CYP51A1: variants seen among roughly 807,000 people sequenced by gnomAD.
CYP51A1 encodes the protein cytochrome P450 family 51 subfamily A member 1.
Under a neutral mutation model 53.5 loss-of-function variants are expected in CYP51A1, and 45 were observed. The ratio of observed to expected loss-of-function variants is 0.84; its 90% CI spans 0.66 to 1.08. CYP51A1 has a LOEUF of 1.08. Among genes scored for constraint, CYP51A1 ranks in the 50% least tolerant of loss-of-function variants. The pLI is 0.00. For missense variants in CYP51A1, 462 were observed against 621.7 expected (o/e 0.74, Z 2.73); for synonymous variants, 181 against 217.7 (o/e 0.83, Z 1.48).
intron 2 of CYP51A1, 24 bp downstream of exon 2, chr7:92,131,750 C>G: frequency 1.7e-4 from 124 of 739,240 alleles, no homozygotes; most frequent in Non-Finnish European, 2.1e-4. Context: ...TTTTTTTTTT[C>G]CTCTAATTAT....
chr7:92,134,598 G>T, upstream of CYP51A1: 3 of 504,626 alleles, frequency 5.9e-6, no homozygotes, highest in Non-Finnish European at 1.0e-5. Context: ...CTTCTTGCGC[G>T]GGATAGGGCA....
rs748115797 is a variant in CYP51A1, at chr7:92,113,795, G to T, written c.1400C>A (p.Thr467Lys). The T allele has an allele frequency of 6.2e-7, 1 of 1,610,516 alleles. No homozygotes were observed. Among genetic ancestry groups the T allele is most frequent in the Non-Finnish European group, 8.5e-7 (1 of 1,178,682 alleles). ...GENFAYVQIK[T>K]IWSTMLRLYE... Reference sequence around the variant, plus strand: ...TAAACGAAGCATAGTGGACCAAATTGTCTTAATTTGAACATAGGCAAAATT... The same window carrying T: ...TAAACGAAGCATAGTGGACCAAATTTTCTTAATTTGAACATAGGCAAAATT... Residue 467 changes from threonine to lysine, a missense_variant, in exon 10 of 10, where the codon ACA becomes AAA. Physicochemically the swap from Thr to Lys is moderately conservative, Grantham distance 78. Coordinates refer to ENST00000003100, the MANE Select transcript of CYP51A1 (RefSeq NM_000786.4).
intron 4 of CYP51A1, among the ~76,000 whole-genome samples, chr7:92,127,106 A>G (rs1447738550): frequency 6.6e-6 from 1 of 152,222 alleles, no homozygotes; most frequent in Admixed American, 6.5e-5. Context: ...TTACATTGGC[A>G]TTCTAATTTA....
chr7:92,124,549 C>T (rs1006704614), intron 5 of CYP51A1, among the ~76,000 whole-genome samples: 6 of 152,112 alleles, frequency 3.9e-5, no homozygotes, highest in Admixed American at 3.9e-4. Context: ...CTCCCAAGCC[C>T]CCTCTTAAAT....
chr7:92,113,309 A>C lies in CYP51A1; in HGVS notation c.*356T>G, dbSNP rs1819501738. Reference sequence around the variant, plus strand: ...CTTTATACCTTGCAGGACTAGTCCAAGATTTGAATACCCTGAACTTATTTG... The same window carrying C: ...CTTTATACCTTGCAGGACTAGTCCACGATTTGAATACCCTGAACTTATTTG... On this transcript the variant is annotated 3_prime_UTR_variant, in exon 10 of 10. Transcript: ENST00000003100. 5.2e-6 allele frequency: 1 copy of C among 193,964 alleles called. No homozygotes were observed. 12.0% of individuals were successfully genotyped at this position (193,964 alleles called of 1,614,324 possible).
chr7:92,132,974 T>A (rs1452712535), intron 1 of CYP51A1, among the ~76,000 whole-genome samples: 1 of 152,216 alleles, frequency 6.6e-6, no homozygotes, highest in Non-Finnish European at 1.5e-5. Context: ...AATAGAACTA[T>A]CTTTAAACAC....
intron 2 of CYP51A1, among the ~76,000 whole-genome samples, chr7:92,130,417 G>T (rs954497540): frequency 6.6e-6 from 1 of 152,156 alleles, no homozygotes; most frequent in Non-Finnish European, 1.5e-5. Flanking sequence ...ATTAATAAAA[G>T]TATAGGCTCA....
intron 5 of CYP51A1, among the ~76,000 whole-genome samples, chr7:92,124,939 C>A (rs1206151187): frequency 6.6e-6 from 1 of 152,032 alleles, no homozygotes; most frequent in African/African-American, 2.4e-5. Flanking sequence ...GTCGGGAGAT[C>A]AAGACCATCC....
intron 5 of CYP51A1, among the ~76,000 whole-genome samples, chr7:92,124,920 G>A (rs1359559790): frequency 1.3e-5 from 2 of 152,128 alleles, no homozygotes; most frequent in Admixed American, 6.5e-5. Context: ...GAGGCGGGCG[G>A]ATCACAAGGT....
At chr7:92,132,359 T>A (rs1819940440) in intron 1 of CYP51A1, among the ~76,000 whole-genome samples, 1 of 152,250 alleles carries the variant, frequency 6.6e-6, no homozygotes, top group Non-Finnish European at 1.5e-5. Context: ...TCCTCTCATA[T>A]ACCTTAAACC....
At chr7:92,127,214 C>T (rs989312763) in intron 4 of CYP51A1, among the ~76,000 whole-genome samples, 1 of 152,172 alleles carries the variant, frequency 6.6e-6, no homozygotes, top group Admixed American at 6.5e-5. Context: ...AAAGGCCAGA[C>T]CCAGAATATA....
chr7:92,134,576 T>TA (rs1333485288), upstream of CYP51A1: 2 of 552,106 alleles, frequency 3.6e-6, no homozygotes, highest in African/African-American at 3.9e-5. Flanking sequence ...TAACACTCTG[T>TA]GAAGCCGTGG....
At chr7:92,134,132 T>A in intron 1 of CYP51A1, 41 bp downstream of exon 1, 1 of 1,597,184 alleles carries the variant, frequency 6.3e-7, no homozygotes, top group Non-Finnish European at 8.5e-7. Flanking sequence ...CCGCCTCAGC[T>A]GCGGCGCGCG....
rs781600638 is a variant in CYP51A1 at position 92,118,513 on chromosome 7, T to C, written c.1182+7A>G. 2.7e-6 allele frequency: 4 copies of C among 1,484,134 alleles called. No individual in the cohort carries two copies. Among genetic ancestry groups the C allele is most frequent in the Admixed American group, 3.3e-5 (2 of 59,868 alleles). 91.9% of individuals were successfully genotyped at this position (1,484,134 alleles called of 1,614,324 possible). A position where few individuals can be genotyped will look rare whatever the true frequency, so the allele number is the denominator to read the frequency against. Reference sequence around the variant, plus strand: ...TATAGAGGGGAAGATGTAGCCAAGATACTCACCTGAGGAGTTCTGGCCATT... The same window carrying C: ...TATAGAGGGGAAGATGTAGCCAAGACACTCACCTGAGGAGTTCTGGCCATT... On this transcript the variant is annotated splice_region_variant and intron_variant, in intron 8 of 9. Transcript: ENST00000003100.
intron 3 of CYP51A1, among the ~76,000 whole-genome samples, chr7:92,128,019 A>G (rs901887309): frequency 2.0e-5 from 3 of 152,204 alleles, no homozygotes; most frequent in Non-Finnish European, 2.9e-5. Context: ...TTTGTGTTCT[A>G]TATCAACTTA....
chr7:92,127,450 T>C, intron 4 of CYP51A1, 55 bp downstream of exon 4: 1 of 1,547,464 alleles, frequency 6.5e-7, no homozygotes, highest in Non-Finnish European at 8.8e-7. Flanking sequence ...ATACTCTACT[T>C]TTCTATTCAC....
At chr7:92,115,574 C>T (rs1216588675) in intron 9 of CYP51A1, among the ~76,000 whole-genome samples, 1 of 152,198 alleles carries the variant, frequency 6.6e-6, no homozygotes. Flanking sequence ...TGATTTCACA[C>T]TTCCAGCCTC....
At chr7:92,132,872 T>G (rs551976060) in intron 1 of CYP51A1, among the ~76,000 whole-genome samples, 1 of 152,056 alleles carries the variant, frequency 6.6e-6, no homozygotes, top group African/African-American at 2.4e-5. Context: ...ATCCTGAAAA[T>G]CAAACAAAAT....
At chr7:92,129,168 A>C (rs2130955297) in intron 2 of CYP51A1, 112 bp from the exon 3 acceptor site, 2 of 621,898 alleles carry the variant, frequency 3.2e-6, no homozygotes, top group East Asian at 6.0e-5. Context: ...AACATATATA[A>C]ACCTTAAAGC....
Sources: gnomAD v4.1 joint callset for allele counts (sites outside exome capture counted in the v4.1 genomes callset) on GRCh38, gnomAD v4.1.1 for gene constraint, MANE v1.5 for transcripts, NCBI Gene and HGNC (gene_info 2026-07-23, HGNC 2026-07-21) for gene names.